The following C1QTNF3 variants were observed in gnomAD, a reference collection of about 807,000 sequenced individuals.
C1QTNF3 encodes the protein C1q and TNF related 3.
Under a neutral mutation model 32.6 loss-of-function variants are expected in C1QTNF3, and 26 were observed. That is an observed-to-expected ratio of 0.80 (90% confidence interval 0.58 to 1.11). The LOEUF (loss-of-function observed/expected upper bound fraction) is 1.11. Ranked by LOEUF, C1QTNF3 falls within the 50% of genes least tolerant of loss-of-function variation. C1QTNF3 has a pLI of 0.00. For missense variants in C1QTNF3, 362 were observed against 398.2 expected (o/e 0.91, Z 0.77); for synonymous variants, 155 against 146.0 (o/e 1.06, Z -0.44).
the C1QTNF3 span, among the ~76,000 whole-genome samples, chr5:34,092,147 ATC>A: frequency 5.9e-5 from 9 of 152,000 alleles, no homozygotes; most frequent in African/African-American, 2.2e-4. Flanking sequence ...CTATATTTGC[ATC>A]TGTCTTATAG....
the C1QTNF3 span, among the ~76,000 whole-genome samples, chr5:34,177,447 G>A: frequency 6.7e-6 from 1 of 149,630 alleles, no homozygotes; most frequent in Non-Finnish European, 1.5e-5. Flanking sequence ...CTCCCAAGTA[G>A]CTGGGACTAG....
At chr5:34,165,860 C>G in the C1QTNF3 span, 3 of 146,520 alleles carry the variant, frequency 2.0e-5, no homozygotes, top group Admixed American at 1.4e-4. Context: ...AACAGATCCT[C>G]TAGCCAGGAA....
chr5:34,235,002 T>C, the C1QTNF3 span, among the ~76,000 whole-genome samples: 1 of 152,150 alleles, frequency 6.6e-6, no homozygotes, highest in African/African-American at 2.4e-5. Flanking sequence ...ATACAGTTCT[T>C]TCCTAGGTAT....
the C1QTNF3 span, among the ~76,000 whole-genome samples, chr5:34,136,287 A>G: frequency 1.3e-5 from 2 of 152,256 alleles, no homozygotes; most frequent in African/African-American, 4.8e-5. Flanking sequence ...TACAATGAAC[A>G]CAAACCAATT....
chr5:34,044,169 C>T (rs1754941750), upstream of C1QTNF3, among the ~76,000 whole-genome samples: 1 of 152,154 alleles, frequency 6.6e-6, no homozygotes, highest in South Asian at 2.1e-4. Flanking sequence ...ATTCTCATGT[C>T]TTTGCTTTAG....
the C1QTNF3 span, among the ~76,000 whole-genome samples, chr5:34,197,525 AT>A: frequency 6.6e-6 from 1 of 152,284 alleles, no homozygotes; most frequent in East Asian, 1.9e-4. Context: ...ATGATCATGT[AT>A]TTTTCCATTT....
At chr5:34,223,761 C>T in the C1QTNF3 span, among the ~76,000 whole-genome samples, 1 of 152,106 alleles carries the variant, frequency 6.6e-6, no homozygotes, top group Non-Finnish European at 1.5e-5. Context: ...TGTCCTCTCT[C>T]ACCACTCCTA....
At chr5:34,141,333 T>G in the C1QTNF3 span, among the ~76,000 whole-genome samples, 3 of 152,128 alleles carry the variant, frequency 2.0e-5, no homozygotes, top group African/African-American at 7.2e-5. Context: ...TTAGCCAGGA[T>G]AGTCTCGATC....
chr5:34,221,176 C>G, the C1QTNF3 span, among the ~76,000 whole-genome samples: 1 of 151,850 alleles, frequency 6.6e-6, no homozygotes, highest in Non-Finnish European at 1.5e-5. Flanking sequence ...TTCTTCATAC[C>G]AAGATATCAC....
chr5:34,112,718 T>C, the C1QTNF3 span, among the ~76,000 whole-genome samples: 1 of 152,108 alleles, frequency 6.6e-6, no homozygotes, highest in African/African-American at 2.4e-5. Flanking sequence ...AGCAGTAGGT[T>C]TTGCATACAA....
the C1QTNF3 span, among the ~76,000 whole-genome samples, chr5:34,177,481 T>TTTTTTA: frequency 4.6e-5 from 1 of 21,952 alleles, no homozygotes; most frequent in Non-Finnish European, 1.0e-4. Context: ...CATACCCAAC[T>TTTTTTA]TTTTTTTTTT....
the C1QTNF3 span, among the ~76,000 whole-genome samples, chr5:34,142,686 T>C: frequency 1.3e-5 from 2 of 152,172 alleles, no homozygotes; most frequent in African/African-American, 4.8e-5. Context: ...TTTGCTAATA[T>C]ACTTCCCCGT....
At chr5:34,147,202 T>C in the C1QTNF3 span, among the ~76,000 whole-genome samples, 1 of 152,228 alleles carries the variant, frequency 6.6e-6, no homozygotes, top group Non-Finnish European at 1.5e-5. Flanking sequence ...GCGCATACAC[T>C]GTTGCTGGGT....
the C1QTNF3 span, among the ~76,000 whole-genome samples, chr5:34,121,444 C>T: frequency 1.6e-3 from 241 of 152,126 alleles, no homozygotes; most frequent in African/African-American, 5.6e-3. Flanking sequence ...TCTTACATGG[C>T]GGCGGCAAGA....
chr5:34,028,390 G>A (rs982239429), intron 4 of C1QTNF3, among the ~76,000 whole-genome samples: 1 of 152,154 alleles, frequency 6.6e-6, no homozygotes, highest in East Asian at 1.9e-4. Context: ...CATTTAAACT[G>A]AGAATTATGT....
the C1QTNF3 span, among the ~76,000 whole-genome samples, chr5:34,085,031 C>T: frequency 7.2e-6 from 1 of 139,070 alleles, no homozygotes; most frequent in Non-Finnish European, 1.5e-5. Context: ...CACTCTGTCG[C>T]CCAGGCTGGA....
chr5:34,082,962 A>G, the C1QTNF3 span, among the ~76,000 whole-genome samples: 1 of 151,766 alleles, frequency 6.6e-6, no homozygotes, highest in African/African-American at 2.4e-5. Flanking sequence ...ACAAATGTGG[A>G]ATTATTTCAT....
the C1QTNF3 span, chr5:34,124,587 G>A: frequency 3.5e-6 from 2 of 570,288 alleles, no homozygotes; most frequent in Admixed American, 2.9e-5. Context: ...GCACTAAGGG[G>A]ATGGTATTCA....
At chr5:34,215,317 A>T in the C1QTNF3 span, among the ~76,000 whole-genome samples, 2 of 152,144 alleles carry the variant, frequency 1.3e-5, no homozygotes, top group African/African-American at 4.8e-5. Flanking sequence ...TAAACCCCAA[A>T]GATGTCCTAA....
Sources: allele counts gnomAD v4.1 joint callset (sites outside exome capture counted in the v4.1 genomes callset), GRCh38; gene constraint gnomAD v4.1.1; transcripts MANE v1.5; gene names NCBI Gene and HGNC (gene_info 2026-07-23, HGNC 2026-07-21).